Variants in MEOX1 observed in about 807,000 individuals in gnomAD.
MEOX1 encodes the protein mesenchyme homeobox 1.
A neutral mutation model predicts 23.2 loss-of-function variants in MEOX1; 17 were observed. The observed-to-expected ratio is 0.73, with a 90% CI of 0.50 to 1.10. The LOEUF is 1.10. Among genes scored for constraint, MEOX1 ranks in the 50% least tolerant of loss-of-function variants. The pLI is 0.00. For missense variants in MEOX1, 333 were observed against 332.2 expected, an observed-to-expected ratio of 1.00 and a Z score of -0.02; for synonymous variants, 134 against 135.1, an observed-to-expected ratio of 0.99 and a Z score of 0.06.
intron 1 of MEOX1, among the ~76,000 whole-genome samples, chr17:43,651,252 G>A (rs560441947): frequency 4.6e-5 from 7 of 152,300 alleles, no homozygotes; most frequent in Non-Finnish European, 7.3e-5. Flanking sequence ...CTGGGAGGCC[G>A]AGCTTGCAGG....
intron 1 of MEOX1, among the ~76,000 whole-genome samples, chr17:43,651,556 A>G (rs1972917082): frequency 6.6e-6 from 1 of 151,462 alleles, no homozygotes; most frequent in African/African-American, 2.4e-5. Context: ...AAGGGGGAAA[A>G]AAAAAGAAAA....
At chr17:43,643,758 C>T in intron 1 of MEOX1, 98 bp from the exon 2 acceptor site, 2 of 883,382 alleles carry the variant, frequency 2.3e-6, no homozygotes, top group Non-Finnish European at 3.3e-6. Context: ...TACCAGTCTC[C>T]CTTATTTTTA....
chr17:43,654,192 G>A (rs1005068770), intron 1 of MEOX1, among the ~76,000 whole-genome samples: 9 of 152,146 alleles, frequency 5.9e-5, no homozygotes, highest in Non-Finnish European at 1.0e-4. Flanking sequence ...TGTTAGGGTG[G>A]GTCCCAATCC....
At chr17:43,646,689 A>T (rs1972821216) in intron 1 of MEOX1, among the ~76,000 whole-genome samples, 1 of 152,244 alleles carries the variant, frequency 6.6e-6, no homozygotes, top group South Asian at 2.1e-4. Context: ...TTAAAATCTA[A>T]AAGTGGCCAG....
intron 1 of MEOX1, among the ~76,000 whole-genome samples, chr17:43,645,506 T>A (rs1185891120): frequency 1.3e-5 from 2 of 152,136 alleles, no homozygotes; most frequent in East Asian, 3.9e-4. Context: ...ACATGGAGGC[T>A]GTGGCTCCGA....
At chr17:43,649,410 G>T (rs1218140908) in intron 1 of MEOX1, among the ~76,000 whole-genome samples, 1 of 149,226 alleles carries the variant, frequency 6.7e-6, no homozygotes, top group African/African-American at 2.5e-5. Context: ...GGGTTCAAGC[G>T]ATTCTCCTGC....
intron 2 of MEOX1, among the ~76,000 whole-genome samples, chr17:43,642,469 A>C (rs1425295345): frequency 6.6e-6 from 1 of 152,160 alleles, no homozygotes; most frequent in Non-Finnish European, 1.5e-5. Context: ...TACCTGCAGG[A>C]TTATGATCCC....
At chr17:43,646,330 G>T (rs1433817846) in intron 1 of MEOX1, among the ~76,000 whole-genome samples, 1 of 152,220 alleles carries the variant, frequency 6.6e-6, no homozygotes, top group African/African-American at 2.4e-5. Context: ...GGCCGGGGAG[G>T]GTCGGTCACG....
chr17:43,658,352 C>T (rs1973077993), intron 1 of MEOX1, among the ~76,000 whole-genome samples: 1 of 152,028 alleles, frequency 6.6e-6, no homozygotes, highest in Admixed American at 6.6e-5. Flanking sequence ...ACTAAAAATA[C>T]AAAAATTAGC....
Position 43,651,780 on chromosome 17 carries a change from T to C in MEOX1, c.470-8120A>G, listed in dbSNP as rs139754162. ...CCGTGATTTATTCAAGCCAGAGAAA[T>C]AGGTGAGCGGGCAGGAATCCTGAGT... On this transcript the variant is annotated intron_variant, in intron 1 of 2. Transcript: ENST00000318579. Among the ~76,000 whole-genome samples, 899 of 152,192 alleles carry C rather than the reference T, an allele frequency of 5.9e-3. 12 individuals carry two copies. The highest frequency in any genetic ancestry group is 0.021 in the African/African-American group (852 of 41,516).
intron 2 of MEOX1, 27 bp downstream of exon 2, chr17:43,643,461 A>T (rs1257191796): frequency 1.9e-6 from 3 of 1,540,872 alleles, no homozygotes; most frequent in African/African-American, 1.4e-5. Context: ...GAGAGCAAAG[A>T]AGAGGAGGGG....
chr17:43,651,909 G>T (rs1972923460), intron 1 of MEOX1, among the ~76,000 whole-genome samples: 1 of 152,182 alleles, frequency 6.6e-6, no homozygotes, highest in African/African-American at 2.4e-5. Flanking sequence ...TGTTGGTCAG[G>T]ATCCTGCTGC....
intron 1 of MEOX1, among the ~76,000 whole-genome samples, chr17:43,658,895 T>G (rs1246472973): frequency 2.0e-5 from 3 of 152,234 alleles, no homozygotes; most frequent in Admixed American, 2.0e-4. Flanking sequence ...CTGCCTCATC[T>G]GCTGCTGGTG....
intron 1 of MEOX1, among the ~76,000 whole-genome samples, chr17:43,651,364 G>A (rs571002800): frequency 6.4e-4 from 97 of 152,218 alleles, no homozygotes; most frequent in African/African-American, 2.3e-3. Context: ...AGTCCCAGGC[G>A]GGGTGGGTTG....
intron 1 of MEOX1, among the ~76,000 whole-genome samples, chr17:43,658,506 C>CAAAAAAAAAA: frequency 9.2e-6 from 1 of 108,576 alleles, no homozygotes; most frequent in Non-Finnish European, 1.8e-5. Context: ...GACTCCATCT[C>CAAAAAAAAAA]AAAAAAAAAA....
In MEOX1 at chr17:43,659,516, G is replaced by C. The variant is rs6503465; in HGVS notation, c.469+1550C>G. Among the ~76,000 whole-genome samples, 921 of 152,184 alleles carry C rather than the reference G, an allele frequency of 6.1e-3. 8 individuals are homozygous for C. Among genetic ancestry groups the C allele is most frequent in the African/African-American group, 0.02 (847 of 41,520 alleles). ...AATCTACTGAAGGGGGTGATACCGG[G>C]GGCCTGAAGCCTGGGGTTTGAGCTC... On this transcript the variant is annotated intron_variant, in intron 1 of 2. Coordinates refer to ENST00000318579, the MANE Select transcript of MEOX1 (RefSeq NM_004527.4).
At chr17:43,647,734 G>A (rs1472002736) in intron 1 of MEOX1, among the ~76,000 whole-genome samples, 1 of 152,102 alleles carries the variant, frequency 6.6e-6, no homozygotes, top group East Asian at 1.9e-4. Context: ...CCCCATCCCT[G>A]GCCACCTCTC....
At chr17:43,658,336 G>T (rs189644099) in intron 1 of MEOX1, among the ~76,000 whole-genome samples, 1 of 152,026 alleles carries the variant, frequency 6.6e-6, no homozygotes, top group African/African-American at 2.4e-5. Flanking sequence ...GTAAAACCCC[G>T]ACTCTACTAA....
chr17:43,642,157 C>T (rs1183921027), intron 2 of MEOX1, 125 bp from the exon 3 acceptor site: 2 of 998,036 alleles, frequency 2.0e-6, no homozygotes, highest in African/African-American at 1.6e-5. Flanking sequence ...CTTACCACTC[C>T]CTACTCCCTC....
Sources: allele counts gnomAD v4.1 joint callset (sites outside exome capture counted in the v4.1 genomes callset), GRCh38; gene constraint gnomAD v4.1.1; transcripts MANE v1.5; gene names NCBI Gene and HGNC (gene_info 2026-07-23, HGNC 2026-07-21).